CFAP47: variants seen among roughly 807,000 people sequenced by gnomAD.
CFAP47 encodes the protein cilia- and flagella-associated protein 47.
A neutral mutation model predicts 148.1 loss-of-function variants in CFAP47; 29 were observed. That is an observed-to-expected ratio of 0.20 (90% CI 0.15 to 0.27). CFAP47 has a LOEUF of 0.27. Among genes scored for constraint, CFAP47 ranks in the 10% least tolerant of loss-of-function variants. CFAP47 has a pLI of 1.00. For synonymous variants in CFAP47, 664 were observed against 577.3 expected (o/e 1.15, Z -2.15); for missense variants, 1,872 against 1,697.5 (o/e 1.10, Z -1.81).
intron 2 of CFAP47, among the ~76,000 whole-genome samples, chrX:35,927,670 G>A (rs974021872): frequency 7.3e-5 from 8 of 109,520 alleles, no homozygotes; most frequent in East Asian, 2.9e-4. Flanking sequence ...TATCACCTGC[G>A]TAGGTTCTTG....
chrX:36,022,994 A>G (rs981895322), intron 22 of CFAP47, among the ~76,000 whole-genome samples: 8 of 111,881 alleles, frequency 7.2e-5, no homozygotes, highest in Non-Finnish European at 1.5e-4. Flanking sequence ...TGATGAGGCC[A>G]TGTTTTCCTG....
At chrX:36,112,273 A>G (rs1938568155) in intron 33 of CFAP47, among the ~76,000 whole-genome samples, 1 of 111,446 alleles carries the variant, frequency 9.0e-6, no homozygotes, top group Non-Finnish European at 1.9e-5. Flanking sequence ...ATTGCCTTAG[A>G]TGTTTCCCAG....
At chrX:36,052,857 G>A (rs751307362) in intron 26 of CFAP47, among the ~76,000 whole-genome samples, 210 of 112,405 alleles carry the variant, frequency 1.9e-3, no homozygotes, top group African/African-American at 6.6e-3. Context: ...TGGGTAGAGT[G>A]TGCTTGGCAC....
chrX:36,306,186 G>T (rs949574115), intron 54 of CFAP47, among the ~76,000 whole-genome samples: 9 of 111,288 alleles, frequency 8.1e-5, no homozygotes, highest in African/African-American at 2.6e-4. Context: ...ATATACTCAA[G>T]CCCTTATTAT....
At chrX:36,234,811 G>C (rs1285625847) in intron 46 of CFAP47, among the ~76,000 whole-genome samples, 2 of 111,800 alleles carry the variant, frequency 1.8e-5, no homozygotes, top group Non-Finnish European at 3.8e-5. Flanking sequence ...TGTCCTTTCT[G>C]TTTGTTAGTT....
At chrX:36,088,483 G>A (rs1938126620) in intron 30 of CFAP47, among the ~76,000 whole-genome samples, 2 of 110,453 alleles carry the variant, frequency 1.8e-5, no homozygotes, top group South Asian at 3.9e-4. Flanking sequence ...TAAAGAAGAG[G>A]AAGAGATGCC....
At chrX:36,274,991 T>C (rs1556002429) in intron 49 of CFAP47, among the ~76,000 whole-genome samples, 1 of 112,155 alleles carries the variant, frequency 8.9e-6, no homozygotes, top group Non-Finnish European at 1.9e-5. Context: ...CATTATTGTG[T>C]TTTGGATGTT....
At chrX:36,039,260 A>AC in intron 25 of CFAP47, 81 bp downstream of exon 25, 1 of 437,024 alleles carries the variant, frequency 2.3e-6, no homozygotes, top group Non-Finnish European at 3.5e-6. Context: ...ATTATATAAG[A>AC]ATGGCTTGTT....
At chrX:36,181,409 A>T (rs1017589655) in intron 40 of CFAP47, among the ~76,000 whole-genome samples, 3 of 111,450 alleles carry the variant, frequency 2.7e-5, no homozygotes, top group Non-Finnish European at 5.7e-5. Context: ...TTATAAAAGC[A>T]TTTACAATTT....
In CFAP47 at chrX:36,278,723, G is replaced by A. The variant is rs782679018; in HGVS notation, c.7445-1764G>A. On this transcript the variant is annotated intron_variant, in intron 49 of 63. Coordinates refer to ENST00000378653, the MANE Select transcript of CFAP47 (RefSeq NM_001304548.2). ...GAGCTGTTCCTATTTGGCCACCTTG[G>A]AACAGACCCCAAATGTATAATTTCA... is the stretch of plus-strand genomic sequence containing the variant. Among the ~76,000 whole-genome samples the A allele has an allele frequency of 2.7e-5, 3 of 112,271 alleles. No individual in the cohort carries two copies. The East Asian group carries it at 8.5e-4, about 32-fold the overall frequency.
chrX:36,300,518 T>G (rs1489946439), intron 52 of CFAP47, among the ~76,000 whole-genome samples: 2 of 111,187 alleles, frequency 1.8e-5, no homozygotes, highest in Non-Finnish European at 1.9e-5. Context: ...CTCGAACTCC[T>G]GACCTCGTGA....
At chrX:36,083,317 T>G (rs1033188954) in intron 29 of CFAP47, among the ~76,000 whole-genome samples, 1 of 110,303 alleles carries the variant, frequency 9.1e-6, no homozygotes, top group Non-Finnish European at 1.9e-5. Flanking sequence ...GTATATGTAC[T>G]TATATATTAC....
chrX:35,948,405 A>C lies in CFAP47; in HGVS notation c.609A>C (p.Lys203Asn). The change falls in exon 4 of 64, where the codon AAA (lysine) becomes AAC (asparagine). Residue 203 changes from lysine to asparagine, a missense_variant. Physicochemically the swap from Lys to Asn is moderately conservative, Grantham distance 94. Coordinates refer to ENST00000378653, the MANE Select transcript of CFAP47 (RefSeq NM_001304548.2). ...ATGCTAAGTCATCAATGGTTATTAAAGTAGATTTCTGTGCAGACCAGCCAA... is the reference window on the plus strand; with the variant it reads ...ATGCTAAGTCATCAATGGTTATTAACGTAGATTTCTGTGCAGACCAGCCAA... ...IVDAKSSMVIKVDFCADQPRI... is the reference protein window; with the variant it reads ...IVDAKSSMVINVDFCADQPRI... 8.3e-7 allele frequency: 1 copy of C among 1,205,106 alleles called. No homozygotes were observed. The highest frequency in any genetic ancestry group is 1.1e-6 in the Non-Finnish European group (1 of 889,370).
chrX:35,934,798 T>C (rs1191622204), intron 2 of CFAP47, among the ~76,000 whole-genome samples: 4 of 110,695 alleles, frequency 3.6e-5, no homozygotes, highest in Non-Finnish European at 7.6e-5. Context: ...CAGGATTGGA[T>C]CCTTCCCTTC....
chrX:36,335,219 T>A (rs1941595253), intron 57 of CFAP47, among the ~76,000 whole-genome samples: 1 of 111,221 alleles, frequency 9.0e-6, no homozygotes, highest in African/African-American at 3.3e-5. Flanking sequence ...CCATGATAGA[T>A]ACTAAGACGA....
intron 54 of CFAP47, among the ~76,000 whole-genome samples, chrX:36,305,635 A>C (rs1941341234): frequency 8.9e-6 from 1 of 111,768 alleles, no homozygotes; most frequent in Non-Finnish European, 1.9e-5. Flanking sequence ...AGGAGCACAC[A>C]TTAATTATAA....
intron 29 of CFAP47, among the ~76,000 whole-genome samples, chrX:36,075,277 G>T (rs1172133223): frequency 9.3e-6 from 1 of 107,674 alleles, no homozygotes; most frequent in African/African-American, 3.4e-5. Flanking sequence ...ACCCAGACTG[G>T]GGTGTAGTGG....
rs1358081143 is a variant in CFAP47, at chrX:36,049,496, A to T, written c.4217+2433A>T. On this transcript the variant is annotated intron_variant, in intron 26 of 63. Transcript: ENST00000378653. Reference sequence around the variant, plus strand: ...GCATGTATTTCTCTCTCTCACACACACACACACACACACACACACACACAC... The same window carrying T: ...GCATGTATTTCTCTCTCTCACACACTCACACACACACACACACACACACAC... Among the ~76,000 whole-genome samples, 715 of 104,681 alleles carry T rather than the reference A, an allele frequency of 6.8e-3. 3 individuals carry two copies. Among genetic ancestry groups the T allele is most frequent in the African/African-American group, 0.023 (667 of 28,774 alleles). The allele number at this position is 104,681 out of a possible 115,157, so 90.9% of individuals were successfully genotyped here.
chrX:36,025,241 T>C (rs1277787842), intron 22 of CFAP47, among the ~76,000 whole-genome samples: 3 of 111,697 alleles, frequency 2.7e-5, no homozygotes, highest in Non-Finnish European at 5.6e-5. Flanking sequence ...GCATACATGT[T>C]AAAGGTTCTA....
Sources: allele counts gnomAD v4.1 joint callset (sites outside exome capture counted in the v4.1 genomes callset), GRCh38; gene constraint gnomAD v4.1.1; transcripts MANE v1.5; gene names NCBI Gene and HGNC (gene_info 2026-07-23, HGNC 2026-07-21).